The following HCN1 variants were observed in gnomAD, a reference collection of about 807,000 sequenced individuals.
HCN1 encodes the protein hyperpolarization activated cyclic nucleotide gated potassium channel 1, also known as potassium/sodium hyperpolarization-activated cyclic nucleotide-gated channel 1.
A neutral mutation model predicts 78.9 loss-of-function variants in HCN1; 13 were observed. That is an observed-to-expected ratio of 0.16 (90% CI 0.11 to 0.26). HCN1 has a LOEUF of 0.26. Ranked by LOEUF, HCN1 falls within the 10% of genes least tolerant of loss-of-function variation. The probability of loss-of-function intolerance (pLI) is 1.00; values close to 1 mark genes in which losing one functional copy is unlikely to be tolerated. For synonymous variants in HCN1, 552 were observed against 455.5 expected (o/e 1.21, Z -2.70); for missense variants, 810 against 1,154.3 (o/e 0.70, Z 4.32).
At chr5:45,633,458 T>G (rs1302428255) in intron 2 of HCN1, among the ~76,000 whole-genome samples, 2 of 152,108 alleles carry the variant, frequency 1.3e-5, no homozygotes, top group African/African-American at 2.4e-5. Context: ...TCTAAATAGA[T>G]AGTGGAGGTC....
intron 2 of HCN1, among the ~76,000 whole-genome samples, chr5:45,577,832 GAATT>G (rs1743980353): frequency 6.7e-6 from 1 of 150,098 alleles, no homozygotes; most frequent in African/African-American, 2.5e-5. Context: ...TCTTTGAACT[GAATT>G]TGAAGAAAAA....
chr5:45,549,657 TA>T (rs1302163548), intron 2 of HCN1, among the ~76,000 whole-genome samples: 1 of 152,124 alleles, frequency 6.6e-6, no homozygotes, highest in Non-Finnish European at 1.5e-5. Flanking sequence ...GGGATCTAAT[TA>T]AACTCAAGAG....
intron 2 of HCN1, among the ~76,000 whole-genome samples, chr5:45,469,491 T>C (rs992204397): frequency 6.6e-6 from 1 of 152,022 alleles, no homozygotes; most frequent in Non-Finnish European, 1.5e-5. Context: ...ACCACTGACA[T>C]ATTTAAATGA....
At chr5:45,418,919 A>C (rs1348749320) in intron 3 of HCN1, among the ~76,000 whole-genome samples, 1 of 152,158 alleles carries the variant, frequency 6.6e-6, no homozygotes, top group Non-Finnish European at 1.5e-5. Context: ...CAGAGCACAA[A>C]TTACACAATA....
At chr5:45,630,812 G>GT (rs557091744) in intron 2 of HCN1, among the ~76,000 whole-genome samples, 25 of 151,530 alleles carry the variant, frequency 1.6e-4, no homozygotes, top group South Asian at 2.1e-4. Context: ...AAAGAGAACT[G>GT]TTTTTTTTAA....
At chr5:45,581,393 T>G (rs1417784242) in intron 2 of HCN1, among the ~76,000 whole-genome samples, 2 of 152,198 alleles carry the variant, frequency 1.3e-5, no homozygotes, top group Non-Finnish European at 2.9e-5. Flanking sequence ...TAAATTTCTT[T>G]GAGTTCTTTG....
rs770127695 is a variant in HCN1 at position 45,262,266 on chromosome 5, G to A, written c.2328C>T (p.Asn776=). The A allele has an allele frequency of 1.9e-6, 3 of 1,614,052 alleles. No homozygotes were observed. The highest frequency in any genetic ancestry group is 1.7e-6 in the Non-Finnish European group (2 of 1,180,040). Residue 776 remains asparagine (N), a synonymous_variant, in exon 8 of 8, where the codon AAC becomes AAT. Coordinates refer to ENST00000303230, the MANE Select transcript of HCN1 (RefSeq NM_021072.4). ...EVHKSTQALH[N]TNLTREVRPL... Reference sequence around the variant, plus strand: ...GCCTGACTTCCCGGGTCAGGTTGGTGTTGTGAAGCGCCTGCGTGCTCTTGT... The same window carrying A: ...GCCTGACTTCCCGGGTCAGGTTGGTATTGTGAAGCGCCTGCGTGCTCTTGT...
chr5:45,657,771 C>T (rs1051800271), intron 1 of HCN1, among the ~76,000 whole-genome samples: 12 of 152,180 alleles, frequency 7.9e-5, no homozygotes, highest in Admixed American at 1.3e-4. Context: ...ACATTCCATG[C>T]TCATGGGTAG....
chr5:45,631,849 T>C (rs1745274136), intron 2 of HCN1, among the ~76,000 whole-genome samples: 1 of 152,146 alleles, frequency 6.6e-6, no homozygotes, highest in Admixed American at 6.6e-5. Context: ...TTGTAAAATT[T>C]TAACAAATTT....
At chr5:45,663,702 A>G (rs1385370731) in intron 1 of HCN1, among the ~76,000 whole-genome samples, 1 of 152,018 alleles carries the variant, frequency 6.6e-6, no homozygotes, top group African/African-American at 2.4e-5. Context: ...AAAACACATG[A>G]AAAAATGCTC....
At chr5:45,374,329 T>C (rs901738842) in intron 4 of HCN1, among the ~76,000 whole-genome samples, 8 of 140,422 alleles carry the variant, frequency 5.7e-5, no homozygotes, top group Non-Finnish European at 1.2e-4. Context: ...ATATACATTA[T>C]ATACATTATA....
rs190026618 is a variant in HCN1 at position 45,376,416 on chromosome 5, C to T, written c.1230+20076G>A. On this transcript the variant is annotated intron_variant, in intron 4 of 7. Transcript: ENST00000303230. ...TTCTCTTGGCAATGTGTGGATGCTACTAGAAGATGGCCTTTAACGACCAGG... is the reference window on the plus strand; with the variant it reads ...TTCTCTTGGCAATGTGTGGATGCTATTAGAAGATGGCCTTTAACGACCAGG... 3.2e-3 allele frequency among the ~76,000 whole-genome samples: 466 copies of T among 146,472 alleles called. 1 individual carries two copies. The highest frequency in any genetic ancestry group is 5.9e-3 in the Non-Finnish European group (395 of 66,902).
chr5:45,691,603 G>C (rs72763953), intron 1 of HCN1, among the ~76,000 whole-genome samples: 1 of 152,216 alleles, frequency 6.6e-6, no homozygotes, highest in Non-Finnish European at 1.5e-5. Context: ...GGTTAATTTT[G>C]GCTATGTTGA....
At chr5:45,604,052 A>G (rs1352848541) in intron 2 of HCN1, among the ~76,000 whole-genome samples, 1 of 152,092 alleles carries the variant, frequency 6.6e-6, no homozygotes, top group African/African-American at 2.4e-5. Context: ...CCCTAAAATG[A>G]TGTTTCACAA....
chr5:45,599,122 C>T (rs943383888), intron 2 of HCN1, among the ~76,000 whole-genome samples: 21 of 151,972 alleles, frequency 1.4e-4, no homozygotes, highest in African/African-American at 2.7e-4. Context: ...ATGTTTATTG[C>T]GGGACTATTC....
chr5:45,291,068 T>C (rs1361809243), intron 6 of HCN1, among the ~76,000 whole-genome samples: 5 of 152,196 alleles, frequency 3.3e-5, no homozygotes, highest in African/African-American at 9.6e-5. Flanking sequence ...TCACCATCTT[T>C]CATATTTTAA....
At chr5:45,291,651 C>A (rs987130857) in intron 6 of HCN1, among the ~76,000 whole-genome samples, 1 of 151,888 alleles carries the variant, frequency 6.6e-6, no homozygotes, top group African/African-American at 2.4e-5. Flanking sequence ...GGGATCCTCC[C>A]ACTTCAGGCC....
At chr5:45,549,669 C>T (rs1160432469) in intron 2 of HCN1, among the ~76,000 whole-genome samples, 1 of 152,094 alleles carries the variant, frequency 6.6e-6, no homozygotes, top group Non-Finnish European at 1.5e-5. Context: ...AACTCAAGAG[C>T]TTCTGCACAG....
At chr5:45,663,849 C>T (rs1312594339) in intron 1 of HCN1, among the ~76,000 whole-genome samples, 3 of 147,460 alleles carry the variant, frequency 2.0e-5, no homozygotes, top group Non-Finnish European at 4.5e-5. Context: ...AACACTTTCA[C>T]ACTGTTGGTG....
Sources: gnomAD v4.1 joint callset for allele counts (sites outside exome capture counted in the v4.1 genomes callset) on GRCh38, gnomAD v4.1.1 for gene constraint, MANE v1.5 for transcripts, NCBI Gene and HGNC (gene_info 2026-07-23, HGNC 2026-07-21) for gene names.